The following GABRR2 variants were observed in gnomAD, a reference collection of about 807,000 sequenced individuals.
GABRR2 encodes gamma-aminobutyric acid type A receptor subunit rho2, also known as gamma-aminobutyric acid receptor subunit rho-2.
A neutral mutation model predicts 47.0 loss-of-function variants in GABRR2; 36 were observed. The ratio of observed to expected loss-of-function variants is 0.77; its 90% CI spans 0.59 to 1.01. The LOEUF is 1.01. Among genes scored for constraint, GABRR2 ranks in the 50% least tolerant of loss-of-function variants. The pLI, the probability that GABRR2 is intolerant of heterozygous loss-of-function variation, is 0.00. For missense variants in GABRR2, 587 were observed against 594.6 expected, an observed-to-expected ratio of 0.99 and a Z score of 0.13; for synonymous variants, 204 against 227.5, an observed-to-expected ratio of 0.90 and a Z score of 0.93.
At chr6:89,301,589 T>A (rs1009357504) in intron 1 of GABRR2, among the ~76,000 whole-genome samples, 3 of 151,938 alleles carry the variant, frequency 2.0e-5, no homozygotes, top group African/African-American at 7.3e-5. Flanking sequence ...TGGTCAAGCC[T>A]AGAGCCAAAT....
At chr6:89,302,019 C>T in intron 1 of GABRR2, 2 of 683,796 alleles carry the variant, frequency 2.9e-6, no homozygotes, top group Non-Finnish European at 5.3e-6. Context: ...GGCTCGGGGC[C>T]TTTTGGACAT....
chr6:89,260,800 T>C (rs891860712), intron 8 of GABRR2, among the ~76,000 whole-genome samples: 5 of 152,174 alleles, frequency 3.3e-5, no homozygotes, highest in Non-Finnish European at 7.3e-5. Flanking sequence ...CAGGAGGTGA[T>C]TCCAGGGAAG....
intron 2 of GABRR2, among the ~76,000 whole-genome samples, chr6:89,298,511 C>A (rs1774595037): frequency 6.6e-6 from 1 of 152,068 alleles, no homozygotes; most frequent in Admixed American, 6.5e-5. Flanking sequence ...CTTTTTACTG[C>A]CCCAGAATGA....
intron 1 of GABRR2, among the ~76,000 whole-genome samples, chr6:89,314,776 C>T (rs893125472): frequency 1.3e-5 from 2 of 152,206 alleles, no homozygotes; most frequent in Non-Finnish European, 2.9e-5. Context: ...TTACCCACTA[C>T]GTCTCCAACT....
chr6:89,268,154 G>T, intron 4 of GABRR2, 58 bp from the exon 5 acceptor site: 2 of 1,322,868 alleles, frequency 1.5e-6, no homozygotes, highest in Non-Finnish European at 2.1e-6. Context: ...TCCTACATCT[G>T]CCCAGAGCAA....
At chr6:89,295,150 A>G (rs904824622) in intron 2 of GABRR2, among the ~76,000 whole-genome samples, 2 of 152,194 alleles carry the variant, frequency 1.3e-5, no homozygotes, top group African/African-American at 4.8e-5. Context: ...CTTTGGGTAT[A>G]TACCCAGTAA....
intron 1 of GABRR2, 55 bp from the exon 2 acceptor site, chr6:89,299,920 G>A: frequency 8.7e-7 from 1 of 1,152,020 alleles, no homozygotes; most frequent in Non-Finnish European, 1.3e-6. Flanking sequence ...CATTGAGTGA[G>A]ATGATTTGGG....
chr6:89,272,177 T>C (rs1774066679), intron 2 of GABRR2, among the ~76,000 whole-genome samples: 1 of 152,196 alleles, frequency 6.6e-6, no homozygotes, highest in Non-Finnish European at 1.5e-5. Context: ...ATTCAGGCTA[T>C]ACCTACAGAG....
chr6:89,309,768 C>CTTA (rs1444032840), intron 1 of GABRR2, among the ~76,000 whole-genome samples: 11 of 151,022 alleles, frequency 7.3e-5, no homozygotes, highest in African/African-American at 2.7e-4. Flanking sequence ...ACCCATGCTT[C>CTTA]TTCTTCTTCT....
chr6:89,312,522 TGTGA>T (rs1767697882), intron 1 of GABRR2, among the ~76,000 whole-genome samples: 1 of 152,178 alleles, frequency 6.6e-6, no homozygotes, highest in Admixed American at 6.5e-5. Flanking sequence ...GCGGTATGTG[TGTGA>T]GTGTGACCGT....
intron 2 of GABRR2, among the ~76,000 whole-genome samples, chr6:89,277,870 G>GGGC (rs1554197107): frequency 2.9e-5 from 3 of 102,672 alleles, no homozygotes; most frequent in Non-Finnish European, 6.4e-5. Context: ...GGCGGGGGTG[G>GGGC]GGGGGGGTGG....
At chr6:89,273,900 C>T (rs978430599) in intron 2 of GABRR2, among the ~76,000 whole-genome samples, 1 of 152,196 alleles carries the variant, frequency 6.6e-6, no homozygotes, top group African/African-American at 2.4e-5. Context: ...CTCTAAAGTG[C>T]CAGGTGACCT....
At chr6:89,308,005 C>T (rs181631217) in intron 1 of GABRR2, among the ~76,000 whole-genome samples, 39 of 152,064 alleles carry the variant, frequency 2.6e-4, no homozygotes, top group African/African-American at 6.5e-4. Context: ...TTAGTAGAGA[C>T]GGGACCACCA....
At position 89,268,930 on chromosome 6, in the gene GABRR2, GAC is replaced by G. The variant is rs1773976460; in HGVS notation, c.512+79_512+80del. The G allele has an allele frequency of 3.2e-6, 4 of 1,268,986 alleles. 1 individual carries two copies. The Admixed American group carries it at 5.4e-5, about 17-fold the overall frequency. The allele number at this position is 1,268,986 out of a possible 1,614,324, so 78.6% of individuals were successfully genotyped here. A position where few individuals can be genotyped will look rare whatever the true frequency, so the allele number is the denominator to read the frequency against. ...ACGAACCCACAGACCCAACCGCAGT[GAC>G]AGTCTTCAGGGCCAAAGGGCCTGAC... On this transcript the variant is annotated intron_variant, in intron 4 of 8. Transcript: ENST00000402938.
intron 2 of GABRR2, among the ~76,000 whole-genome samples, chr6:89,281,731 G>A (rs948545490): frequency 6.6e-6 from 1 of 152,074 alleles, no homozygotes; most frequent in Admixed American, 6.5e-5. Context: ...AGGCAAAAGG[G>A]GGCCCTTGAA....
At chr6:89,264,758 CTA>C in intron 7 of GABRR2, 150 bp from the exon 8 acceptor site, 1 of 1,024,232 alleles carries the variant, frequency 9.8e-7, no homozygotes, top group South Asian at 1.6e-5. Flanking sequence ...AGGATCTGCC[CTA>C]CTAGCAGCCA....
At chr6:89,286,180 A>G (rs112038687) in intron 2 of GABRR2, among the ~76,000 whole-genome samples, 23 of 152,338 alleles carry the variant, frequency 1.5e-4, no homozygotes, top group African/African-American at 5.5e-4. Flanking sequence ...TAAATATTGT[A>G]TGATCACAGT....
chr6:89,258,651 G>A (rs1773666584), intron 8 of GABRR2, among the ~76,000 whole-genome samples: 1 of 151,226 alleles, frequency 6.6e-6, no homozygotes, highest in South Asian at 2.1e-4. Flanking sequence ...AGCTCAAGAG[G>A]TCAAGGCTGC....
At chr6:89,311,604 G>A (rs1767682839) in intron 1 of GABRR2, among the ~76,000 whole-genome samples, 1 of 152,172 alleles carries the variant, frequency 6.6e-6, no homozygotes, top group African/African-American at 2.4e-5. Context: ...AGGGGTGAGG[G>A]AAGAAGAAAA....
Sources: gnomAD v4.1 joint callset for allele counts (sites outside exome capture counted in the v4.1 genomes callset) on GRCh38, gnomAD v4.1.1 for gene constraint, MANE v1.5 for transcripts, NCBI Gene and HGNC (gene_info 2026-07-23, HGNC 2026-07-21) for gene names.